The following EYA2 variants were observed in gnomAD, a reference collection of about 807,000 sequenced individuals.
EYA2 encodes EYA transcriptional coactivator and phosphatase 2.
Under a neutral mutation model 69.2 loss-of-function variants are expected in EYA2, and 31 were observed. That is an observed-to-expected ratio of 0.45 (90% confidence interval 0.34 to 0.60). EYA2 has a LOEUF of 0.60. EYA2 is among the 20% of genes least tolerant of loss of function. EYA2 has a pLI of 0.02. For synonymous variants in EYA2, 257 were observed against 279.4 expected (o/e 0.92, Z 0.80); for missense variants, 622 against 701.2 (o/e 0.89, Z 1.28).
At chr20:47,106,637 CAGTG>C (rs1342058427) in intron 9 of EYA2, among the ~76,000 whole-genome samples, 1 of 152,070 alleles carries the variant, frequency 6.6e-6, no homozygotes. Flanking sequence ...TCTGGAATCT[CAGTG>C]AGGCTGGCTA....
chr20:47,045,208 C>T (rs969533512), intron 5 of EYA2, among the ~76,000 whole-genome samples: 12 of 152,168 alleles, frequency 7.9e-5, no homozygotes, highest in Non-Finnish European at 1.6e-4. Flanking sequence ...GCTGAGATGC[C>T]CAAGAAAGCT....
intron 9 of EYA2, among the ~76,000 whole-genome samples, chr20:47,135,126 CAAAAAAAAAAAAA>C (rs11484435): frequency 1.7e-5 from 1 of 58,498 alleles, no homozygotes; most frequent in African/African-American, 6.6e-5. Flanking sequence ...GACTCCATAT[CAAAAAAAAAAAAA>C]AAAAAAAAAA....
chr20:46,920,231 G>GT (rs1298199707), intron 1 of EYA2, among the ~76,000 whole-genome samples: 3 of 40,426 alleles, frequency 7.4e-5, no homozygotes, highest in East Asian at 2.1e-3. Context: ...ACTTTAATTT[G>GT]TTTAAAAAAA....
chr20:47,158,312 T>C (rs1174127118), intron 10 of EYA2, among the ~76,000 whole-genome samples: 1 of 151,936 alleles, frequency 6.6e-6, no homozygotes, highest in Non-Finnish European at 1.5e-5. Flanking sequence ...GGTCAGGAGT[T>C]TGAGACCAGC....
intron 5 of EYA2, among the ~76,000 whole-genome samples, chr20:47,065,136 A>C (rs1475909358): frequency 6.6e-6 from 1 of 152,144 alleles, no homozygotes; most frequent in Non-Finnish European, 1.5e-5. Flanking sequence ...ATCTGCCCCC[A>C]TGATTCAATT....
At chr20:47,141,714 C>G (rs1020124627) in intron 9 of EYA2, among the ~76,000 whole-genome samples, 13 of 152,220 alleles carry the variant, frequency 8.5e-5, no homozygotes, top group Middle Eastern at 3.4e-3. Context: ...AATAAATATC[C>G]AGAATACTTG....
chr20:47,062,219 A>G (rs2030920351), intron 5 of EYA2, among the ~76,000 whole-genome samples: 1 of 152,188 alleles, frequency 6.6e-6, no homozygotes, highest in Admixed American at 6.5e-5. Context: ...TCAGCAGAGA[A>G]GTTGAGGAGA....
At chr20:47,107,266 T>C (rs987900668) in intron 9 of EYA2, among the ~76,000 whole-genome samples, 2 of 152,102 alleles carry the variant, frequency 1.3e-5, no homozygotes, top group Non-Finnish European at 2.9e-5. Flanking sequence ...GACACACGCC[T>C]GTAATCCCAG....
At chr20:47,167,098 C>T (rs1426095704) in intron 10 of EYA2, 1 of 154,528 alleles carries the variant, frequency 6.5e-6, no homozygotes, top group East Asian at 1.9e-4. Flanking sequence ...CATGGCATCC[C>T]TTACGACTCT....
chr20:47,008,986 G>A (rs569101328), intron 4 of EYA2, among the ~76,000 whole-genome samples: 14 of 152,316 alleles, frequency 9.2e-5, no homozygotes, highest in African/African-American at 2.9e-4. Context: ...CCATTGTGGC[G>A]TGAAAGTAGC....
intron 9 of EYA2, among the ~76,000 whole-genome samples, chr20:47,124,875 T>A (rs1235405390): frequency 6.8e-6 from 1 of 147,470 alleles, no homozygotes; most frequent in East Asian, 2.0e-4. Flanking sequence ...CTTCAAAGAT[T>A]AAAAAAAAAA....
intron 10 of EYA2, among the ~76,000 whole-genome samples, chr20:47,158,119 G>T (rs1422885205): frequency 6.6e-6 from 1 of 151,948 alleles, no homozygotes; most frequent in Admixed American, 6.6e-5. Context: ...GTGAAAAGAG[G>T]GGTCTGGACT....
At chr20:47,032,725 T>A (rs1243054812) in intron 5 of EYA2, among the ~76,000 whole-genome samples, 1 of 152,232 alleles carries the variant, frequency 6.6e-6, no homozygotes, top group Non-Finnish European at 1.5e-5. Context: ...CTGTGAGACT[T>A]GATTTTCTCA....
intron 1 of EYA2, among the ~76,000 whole-genome samples, chr20:46,954,260 G>C (rs1202087105): frequency 6.6e-6 from 1 of 152,078 alleles, no homozygotes; most frequent in Non-Finnish European, 1.5e-5. Flanking sequence ...ATCTCCAGGG[G>C]GACTGAGACA....
intron 1 of EYA2, among the ~76,000 whole-genome samples, chr20:46,908,801 T>G (rs879937035): frequency 4.3e-5 from 6 of 138,994 alleles, no homozygotes; most frequent in African/African-American, 8.2e-5. Flanking sequence ...GTACGATCCC[T>G]CTCCCAAACA....
intron 5 of EYA2, among the ~76,000 whole-genome samples, chr20:47,025,960 ATTTCC>A (rs1984056941): frequency 6.6e-6 from 1 of 152,222 alleles, no homozygotes; most frequent in African/African-American, 2.4e-5. Context: ...ACTGATTTGT[ATTTCC>A]TTTCCTGTGA....
chr20:47,100,355 G>A (rs1339024596), intron 9 of EYA2, among the ~76,000 whole-genome samples: 1 of 152,200 alleles, frequency 6.6e-6, no homozygotes, highest in Non-Finnish European at 1.5e-5. Flanking sequence ...ATCAACAGGA[G>A]CAGAGGAGGA....
chr20:46,959,747 C>T (rs1413950382), intron 1 of EYA2, among the ~76,000 whole-genome samples: 2 of 152,208 alleles, frequency 1.3e-5, no homozygotes, highest in Non-Finnish European at 2.9e-5. Context: ...CTCTCCCAAC[C>T]CCCACGTCGT....
chr20:47,160,424 C>T (rs759383930), intron 10 of EYA2, among the ~76,000 whole-genome samples: 4 of 151,966 alleles, frequency 2.6e-5, no homozygotes, highest in African/African-American at 7.3e-5. Context: ...CAGATTTGGC[C>T]CCTGGGTTAT....
Sources: gnomAD v4.1 joint callset for allele counts (sites outside exome capture counted in the v4.1 genomes callset) on GRCh38, gnomAD v4.1.1 for gene constraint, MANE v1.5 for transcripts, NCBI Gene and HGNC (gene_info 2026-07-23, HGNC 2026-07-21) for gene names.